The following MED16 variants were observed in gnomAD, a reference collection of about 807,000 sequenced individuals.
MED16 encodes mediator complex subunit 16, also known as mediator of RNA polymerase II transcription subunit 16.
In MED16, 81 loss-of-function variants were observed where a neutral mutation model predicts 84.4. The observed-to-expected ratio is 0.96, with a 90% CI of 0.80 to 1.15. MED16 has a LOEUF of 1.15. Ranked by LOEUF, MED16 falls within the 50% of genes most tolerant of loss-of-function variation. The pLI is 0.00. For missense variants in MED16, 1,585 were observed against 1,245.9 expected, an observed-to-expected ratio of 1.27 and a Z score of -4.10; for synonymous variants, 897 against 552.2, an observed-to-expected ratio of 1.62 and a Z score of -8.76.
At chr19:876,244 A>G (rs1158637701) in intron 9 of MED16, among the ~76,000 whole-genome samples, 1 of 152,058 alleles carries the variant, frequency 6.6e-6, no homozygotes. Context: ...AGCTCGTTAG[A>G]TCTGAGGTCC....
At chr19:884,786 C>T (rs1238790170) in intron 6 of MED16, 117 bp downstream of exon 6, 10 of 741,306 alleles carry the variant, frequency 1.3e-5, no homozygotes, top group Non-Finnish European at 2.0e-5. Flanking sequence ...GCGAGACGAT[C>T]GCTTAGGGCC....
Position 868,421 on chromosome 19 carries a change from G to C in MED16, c.2478C>G (p.Asn826Lys). ...VKQWEQRWIKNCLAVEGRGPD... is the reference protein window; with the variant it reads ...VKQWEQRWIKKCLAVEGRGPD... ...GCCACCAGAGCCCACCGCACAGGCAGTTCTTGATCCAGCGCTGCTCCCACT... is the reference window on the plus strand; with the variant it reads ...GCCACCAGAGCCCACCGCACAGGCACTTCTTGATCCAGCGCTGCTCCCACT... The change falls in exon 15 of 16, where the codon AAC becomes AAG. Residue 826 changes from asparagine (N) to lysine (K), a missense_variant. By Grantham distance (94) the Asn-to-Lys change is moderately conservative. Transcript: ENST00000325464. 1 of 1,610,342 alleles carries C rather than the reference G, an allele frequency of 6.2e-7. No homozygotes were observed. The highest frequency in any genetic ancestry group is 8.5e-7 in the Non-Finnish European group (1 of 1,179,882).
chr19:879,279 A>C (rs1452197406), intron 8 of MED16, among the ~76,000 whole-genome samples: 1 of 146,900 alleles, frequency 6.8e-6, no homozygotes, highest in African/African-American at 2.5e-5. Context: ...GTCAATGCCC[A>C]GCAGCTCACC....
In MED16 at chr19:891,384, G is replaced by A. The variant is rs146290617; in HGVS notation, c.-18-235C>T. 7.3e-3 allele frequency among the ~76,000 whole-genome samples: 1,107 copies of A among 152,320 alleles called. 17 individuals are homozygous for A. Among genetic ancestry groups the A allele is most frequent in the African/African-American group, 0.026 (1,064 of 41,558 alleles). ...AGTAAGGTGGGAGCCCGGGAGGGCT[G>A]GGACCTATTTGGGTTTCACCAGGAC... On this transcript the variant is annotated intron_variant, in intron 1 of 15. Coordinates refer to ENST00000325464, the MANE Select transcript of MED16 (RefSeq NM_005481.3).
chr19:892,913 C>G (rs2036669903), intron 1 of MED16, 173 bp downstream of exon 1: 1 of 140,988 alleles, frequency 7.1e-6, no homozygotes, highest in African/African-American at 3.0e-5. Context: ...GCCCCGCGCC[C>G]CGCGCCCCGC....
chr19:874,128 T>C (rs1471042285), intron 10 of MED16, among the ~76,000 whole-genome samples: 1 of 150,424 alleles, frequency 6.6e-6, no homozygotes, highest in South Asian at 2.1e-4. Flanking sequence ...TAAATTTTTT[T>C]TTTGAGACAG....
chr19:889,990 G>T, intron 3 of MED16, 147 bp downstream of exon 3: 1 of 829,898 alleles, frequency 1.2e-6, no homozygotes, highest in Non-Finnish European at 1.9e-6. Flanking sequence ...AATGATTCGG[G>T]CCACTATGGA....
chr19:885,475 G>T (rs2036506703), intron 5 of MED16, among the ~76,000 whole-genome samples: 1 of 152,138 alleles, frequency 6.6e-6, no homozygotes, highest in Non-Finnish European at 1.5e-5. Flanking sequence ...GGGGGCCCCA[G>T]TGTCCTCACA....
rs770359585 is a variant in MED16, at chr19:868,032, G to A, written c.*69C>T. The A allele has an allele frequency of 8.4e-5, 128 of 1,526,990 alleles. No individual in the cohort carries two copies. The highest frequency in any genetic ancestry group is 1.9e-4 in the Admixed American group (9 of 46,688). The allele number at this position is 1,526,990 out of a possible 1,614,324, so 94.6% of individuals were successfully genotyped here. On this transcript the variant is annotated 3_prime_UTR_variant, in exon 16 of 16. Transcript: ENST00000325464. Reference sequence around the variant, plus strand: ...CTTGTCCAGGTTCAGCGCTCTCCGCGGGTGAGGCAAGGAAACCGAGGAGAC... The same window carrying A: ...CTTGTCCAGGTTCAGCGCTCTCCGCAGGTGAGGCAAGGAAACCGAGGAGAC...
intron 12 of MED16, chr19:871,531 C>T (rs2036055054): frequency 1.3e-6 from 2 of 1,572,474 alleles, no homozygotes; most frequent in Non-Finnish European, 1.7e-6. Flanking sequence ...TTTCCAGACA[C>T]TGGGATGTAA....
chr19:890,607 A>G (rs891795494), intron 2 of MED16, among the ~76,000 whole-genome samples: 1 of 152,198 alleles, frequency 6.6e-6, no homozygotes, highest in Non-Finnish European at 1.5e-5. Context: ...TATTACTCAA[A>G]CAATGGAGAG....
At chr19:881,758 G>C in intron 6 of MED16, 44 bp from the exon 7 acceptor site, 1 of 1,583,992 alleles carries the variant, frequency 6.3e-7, no homozygotes, top group Non-Finnish European at 8.6e-7. Context: ...ATGGAGTAAA[G>C]ACAGGCTGAG....
At chr19:869,793 G>T (rs1012267631) in intron 13 of MED16, among the ~76,000 whole-genome samples, 1 of 152,210 alleles carries the variant, frequency 6.6e-6, no homozygotes, top group African/African-American at 2.4e-5. Context: ...AGCAATCAGT[G>T]GCTCAGAGGG....
Position 868,957 on chromosome 19 carries a change from A to C in MED16, c.2316-11T>G. ...GGCTGGCCTGGGGCCCTGGCGGGAG[A>C]GGGGAGAACGTGAGGGAGGCCTGGG... On this transcript the variant is annotated splice_polypyrimidine_tract_variant and intron_variant, in intron 13 of 15. Transcript: ENST00000325464. 4 of 1,532,206 alleles carry C rather than the reference A, an allele frequency of 2.6e-6. No individual in the cohort carries two copies. Among genetic ancestry groups the C allele is most frequent in the Non-Finnish European group, 3.5e-6 (4 of 1,146,782 alleles). 94.9% of individuals were successfully genotyped at this position (1,532,206 alleles called of 1,614,324 possible).
At chr19:881,849 C>A (rs751883484) in intron 6 of MED16, 135 bp from the exon 7 acceptor site, 3 of 1,080,724 alleles carry the variant, frequency 2.8e-6, no homozygotes, top group African/African-American at 3.2e-5. Context: ...TGCTCCCATG[C>A]CCAGAAGACC....
At chr19:868,644 G>T in intron 14 of MED16, 145 bp from the exon 15 acceptor site, 2 of 1,220,184 alleles carry the variant, frequency 1.6e-6, no homozygotes, top group Non-Finnish European at 2.3e-6. Context: ...CAGGGCCTCT[G>T]CCCATGCTTC....
At chr19:877,355 T>C (rs960005119) in intron 8 of MED16, among the ~76,000 whole-genome samples, 175 bp from the exon 9 acceptor site, 6 of 152,160 alleles carry the variant, frequency 3.9e-5, no homozygotes, top group East Asian at 1.9e-4. Context: ...GTCAGGGTCA[T>C]GCACAATGCC....
intron 11 of MED16, among the ~76,000 whole-genome samples, chr19:872,515 A>G (rs563331382): frequency 2.0e-5 from 3 of 152,128 alleles, no homozygotes; most frequent in African/African-American, 4.8e-5. Context: ...CTGGCAGCCT[A>G]AAGCCCCACA....
intron 8 of MED16, 136 bp from the exon 9 acceptor site, chr19:877,316 G>T (rs530968899): frequency 5.2e-6 from 4 of 772,580 alleles, no homozygotes; most frequent in South Asian, 1.7e-5. Context: ...CTGTGTGCGC[G>T]CATGTGTCTG....
Sources: gnomAD v4.1 joint callset for allele counts (sites outside exome capture counted in the v4.1 genomes callset) on GRCh38, gnomAD v4.1.1 for gene constraint, MANE v1.5 for transcripts, NCBI Gene and HGNC (gene_info 2026-07-23, HGNC 2026-07-21) for gene names.